SLC9A1: variants seen among roughly 807,000 people sequenced by gnomAD.
SLC9A1 encodes solute carrier family 9 member A1.
In SLC9A1, 22 loss-of-function variants were observed where a neutral mutation model predicts 67.9. That is an observed-to-expected ratio of 0.32 (90% CI 0.23 to 0.46). The LOEUF is 0.46. Ranked by LOEUF, SLC9A1 falls within the 20% of genes least tolerant of loss-of-function variation. The pLI is 1.00. For missense variants in SLC9A1, 686 were observed against 1,094.8 expected (o/e 0.63, Z 5.27); for synonymous variants, 421 against 471.8 (o/e 0.89, Z 1.40).
chr1:27,147,001 G>A (rs1353262229), intron 1 of SLC9A1, among the ~76,000 whole-genome samples: 1 of 151,888 alleles, frequency 6.6e-6, no homozygotes, highest in East Asian at 1.9e-4. Context: ...GCCGGGCGCG[G>A]TGGCTCATGC....
intron 1 of SLC9A1, among the ~76,000 whole-genome samples, chr1:27,141,828 G>A (rs1436290329): frequency 6.6e-6 from 1 of 152,216 alleles, no homozygotes; most frequent in Non-Finnish European, 1.5e-5. Flanking sequence ...ACGCCTACCT[G>A]GTACAGCATC....
chr1:27,115,928 C>G (rs554820026), intron 1 of SLC9A1, among the ~76,000 whole-genome samples: 81 of 152,232 alleles, frequency 5.3e-4, no homozygotes, highest in African/African-American at 1.9e-3. Context: ...CGATAACCTG[C>G]ATGCCTGGCC....
chr1:27,123,630 C>T (rs897529800), intron 1 of SLC9A1, among the ~76,000 whole-genome samples: 3 of 151,332 alleles, frequency 2.0e-5, no homozygotes, highest in African/African-American at 7.3e-5. Flanking sequence ...CCTGCCTCAG[C>T]CTCCCGAGTA....
chr1:27,102,341 C>A (rs747372456), intron 8 of SLC9A1, 44 bp downstream of exon 8: 4 of 1,554,238 alleles, frequency 2.6e-6, no homozygotes, highest in Non-Finnish European at 2.6e-6. Flanking sequence ...GCTTGAGGGG[C>A]CGGTGTGTGG....
Position 27,155,015 on chromosome 1 carries a change from G to A in SLC9A1, c.-681C>T, listed in dbSNP as rs958034487. 1 of 152,440 alleles carries A rather than the reference G, an allele frequency of 6.6e-6. No individual in the cohort carries two copies. Among genetic ancestry groups the A allele is most frequent in the Non-Finnish European group, 1.5e-5 (1 of 68,278 alleles). The allele number at this position is 152,440 out of a possible 1,614,324, so 9.4% of individuals were successfully genotyped here. ...GCTCGCGGTGGGCCAGCAGCAACAC[G>A]CCCCTCCTCGCGGCCCTGGCGCGAC... is the stretch of plus-strand genomic sequence containing the variant. On this transcript the variant is annotated 5_prime_UTR_variant, in exon 1 of 12. Coordinates refer to ENST00000263980, the MANE Select transcript of SLC9A1 (RefSeq NM_003047.5). This position sits in a 1 kb window ranked among gnomAD's most constrained non-coding sequence, Gnocchi z 4.5.
chr1:27,114,379 G>A lies in SLC9A1; in HGVS notation c.353-93C>T. 1 of 959,564 alleles carries A rather than the reference G, an allele frequency of 1.0e-6. No individual in the cohort carries two copies. Among genetic ancestry groups the A allele is most frequent in the Admixed American group, 2.4e-5 (1 of 41,278 alleles). 59.4% of individuals were successfully genotyped at this position (959,564 alleles called of 1,614,324 possible). A position where few individuals can be genotyped will look rare whatever the true frequency, so the allele number is the denominator to read the frequency against. On this transcript the variant is annotated intron_variant, in intron 1 of 11. Transcript: ENST00000263980. The surrounding 1 kb of genome is among the most constrained non-coding windows in gnomAD (Gnocchi z 5.4). ...TGGGCCGGGGATGAGGAGCGCAGTT[G>A]GTGAGAGGTGCACAGGCTGGGTCTC...
chr1:27,144,893 C>T (rs2083475400), intron 1 of SLC9A1, among the ~76,000 whole-genome samples: 1 of 151,894 alleles, frequency 6.6e-6, no homozygotes, highest in Admixed American at 6.6e-5. Context: ...GCCTGTAATC[C>T]CAGCTACTCT....
At chr1:27,131,427 C>G (rs2083383281) in intron 1 of SLC9A1, among the ~76,000 whole-genome samples, 2 of 99,736 alleles carry the variant, frequency 2.0e-5, no homozygotes, top group African/African-American at 8.0e-5. Flanking sequence ...AACCCCGTCT[C>G]TACTAAAAAT....
rs752419204 is a variant in SLC9A1 at position 27,118,299 on chromosome 1, C to T, written c.353-4013G>A. Among the ~76,000 whole-genome samples the T allele has an allele frequency of 4.6e-5, 7 of 152,192 alleles. No homozygotes were observed. Among genetic ancestry groups the T allele is most frequent in the African/African-American group, 7.2e-5 (3 of 41,444 alleles). On this transcript the variant is annotated intron_variant, in intron 1 of 11. Coordinates refer to ENST00000263980, the MANE Select transcript of SLC9A1 (RefSeq NM_003047.5). The surrounding 1 kb of genome is among the most constrained non-coding windows in gnomAD (Gnocchi z 4.3). ...AGGTCTGAGATCCACTTTTGGCTCCCTGCCTGTGGGTAGGTGGCACATTAT... is the reference window on the plus strand; with the variant it reads ...AGGTCTGAGATCCACTTTTGGCTCCTTGCCTGTGGGTAGGTGGCACATTAT...
At chr1:27,119,042 A>AACAC (rs35231148) in intron 1 of SLC9A1, among the ~76,000 whole-genome samples, 5,120 of 139,374 alleles carry the variant, frequency 0.037, 127 homozygotes, top group East Asian at 0.082. Context: ...AGCTGGAACG[A>AACAC]ACACACACAC....
At position 27,099,392 on chromosome 1, in the gene SLC9A1, G is replaced by A. The variant is rs936623955; in HGVS notation, c.*915C>T. The A allele has an allele frequency of 1.3e-5, 2 of 152,978 alleles. No homozygotes were observed. Among genetic ancestry groups the A allele is most frequent in the African/African-American group, 4.8e-5 (2 of 41,454 alleles). 9.5% of individuals were successfully genotyped at this position (152,978 alleles called of 1,614,324 possible). ...CACAGTCTTCGAGCAACAGTTAAGA[G>A]CCCAGCAGGCAGAGAGACGTGGGGG... On this transcript the variant is annotated 3_prime_UTR_variant, in exon 12 of 12. Coordinates refer to ENST00000263980, the MANE Select transcript of SLC9A1 (RefSeq NM_003047.5).
intron 2 of SLC9A1, among the ~76,000 whole-genome samples, chr1:27,113,540 C>G (rs2083244940): frequency 6.6e-6 from 1 of 152,136 alleles, no homozygotes. Flanking sequence ...TCAGTCAGAC[C>G]TGGTTCAATC....
intron 6 of SLC9A1, 146 bp downstream of exon 6, chr1:27,103,077 C>T: frequency 1.5e-6 from 1 of 687,784 alleles, no homozygotes; most frequent in Non-Finnish European, 2.6e-6. Context: ...TATGGCTAGA[C>T]CCTGGCGGCC....
chr1:27,102,829 G>C, intron 6 of SLC9A1, 86 bp from the exon 7 acceptor site: 1 of 1,200,900 alleles, frequency 8.3e-7, no homozygotes, highest in African/African-American at 1.5e-5. Flanking sequence ...CCCTCCCGTA[G>C]CTGCAGCCCT....
chr1:27,128,168 T>TC (rs2083358482), intron 1 of SLC9A1, among the ~76,000 whole-genome samples: 1 of 152,212 alleles, frequency 6.6e-6, no homozygotes, highest in Non-Finnish European at 1.5e-5. Flanking sequence ...AGAGCTCTGG[T>TC]CCATCAATGA....
Position 27,137,346 on chromosome 1 carries a change from G to A in SLC9A1, c.352+16637C>T, listed in dbSNP as rs183074297. On this transcript the variant is annotated intron_variant, in intron 1 of 11. Coordinates refer to ENST00000263980, the MANE Select transcript of SLC9A1 (RefSeq NM_003047.5). This position sits in a 1 kb window ranked among gnomAD's most constrained non-coding sequence, Gnocchi z 4.6. ...GAGCTGAGCTCAATGCAGCTCTGTGGCCCTTAAGCAAGTCACTTCCGCCCT... is the reference window on the plus strand; with the variant it reads ...GAGCTGAGCTCAATGCAGCTCTGTGACCCTTAAGCAAGTCACTTCCGCCCT... 1.3e-5 allele frequency among the ~76,000 whole-genome samples: 2 copies of A among 152,368 alleles called. No homozygotes were observed. Among genetic ancestry groups the A allele is most frequent in the Admixed American group, 1.3e-4 (2 of 15,312 alleles).
chr1:27,100,711 G>C lies in SLC9A1; in HGVS notation c.2111-67C>G, dbSNP rs953036137. Reference sequence around the variant, plus strand: ...AGCCCGGCCCAGCACGTGCCACTCGGCCGCGTCAGTGCCTCCTTCAGGCCT... The same window carrying C: ...AGCCCGGCCCAGCACGTGCCACTCGCCCGCGTCAGTGCCTCCTTCAGGCCT... On this transcript the variant is annotated intron_variant, in intron 11 of 11. Coordinates refer to ENST00000263980, the MANE Select transcript of SLC9A1 (RefSeq NM_003047.5). The surrounding 1 kb of genome is among the most constrained non-coding windows in gnomAD (Gnocchi z 5.6). 3.0e-6 allele frequency: 4 copies of C among 1,347,576 alleles called. No homozygotes were observed. The highest frequency in any genetic ancestry group is 3.1e-6 in the Non-Finnish European group (3 of 976,032). 83.5% of individuals were successfully genotyped at this position (1,347,576 alleles called of 1,614,324 possible).
rs1006249988 is a variant in SLC9A1, at chr1:27,143,748, G to A, written c.352+10235C>T. 4.5e-4 allele frequency among the ~76,000 whole-genome samples: 69 copies of A among 152,250 alleles called. 1 individual carries two copies. The highest frequency in any genetic ancestry group is 1.5e-3 in the African/African-American group (64 of 41,472). ...TTAGCAAAGGTCAATATGCAGGAAA[G>A]AGGCGAGCTAGGACTAAGACCCAGG... On this transcript the variant is annotated intron_variant, in intron 1 of 11. Coordinates refer to ENST00000263980, the MANE Select transcript of SLC9A1 (RefSeq NM_003047.5).
At chr1:27,122,550 C>T (rs2083311015) in intron 1 of SLC9A1, among the ~76,000 whole-genome samples, 1 of 152,138 alleles carries the variant, frequency 6.6e-6, no homozygotes, top group Admixed American at 6.5e-5. Flanking sequence ...GGAGCCTGAG[C>T]CAACAGAGCA....
Sources: allele counts gnomAD v4.1 joint callset (sites outside exome capture counted in the v4.1 genomes callset), GRCh38; gene constraint gnomAD v4.1.1; non-coding constraint Gnocchi (gnomAD v3.1); transcripts MANE v1.5; gene names NCBI Gene and HGNC (gene_info 2026-07-23, HGNC 2026-07-21).